RBFOX1: variants seen among roughly 807,000 people sequenced by gnomAD.
The protein encoded by RBFOX1 is RNA binding protein fox-1 homolog 1.
In RBFOX1, 8 loss-of-function variants were observed where a neutral mutation model predicts 57.7. The observed-to-expected ratio is 0.14, with a 90% CI of 0.08 to 0.25. The LOEUF (loss-of-function observed/expected upper bound fraction) is 0.25. RBFOX1 is among the 10% of genes least tolerant of loss of function. RBFOX1 has a pLI of 1.00. For synonymous variants in RBFOX1, 326 were observed against 222.4 expected (o/e 1.47, Z -4.15); for missense variants, 611 against 548.5 (o/e 1.11, Z -1.14).
At chr16:7,067,043 A>C (rs1482417670) in intron 4 of RBFOX1, among the ~76,000 whole-genome samples, 1 of 152,196 alleles carries the variant, frequency 6.6e-6, no homozygotes, top group Non-Finnish European at 1.5e-5. Context: ...ACTGTAAGTA[A>C]ATAATAATAA....
At chr16:6,676,534 A>G (rs1197404590) in intron 3 of RBFOX1, among the ~76,000 whole-genome samples, 1 of 152,146 alleles carries the variant, frequency 6.6e-6, no homozygotes. Flanking sequence ...TTCTATGCAT[A>G]TAATCCACAA....
intron 2 of RBFOX1, among the ~76,000 whole-genome samples, chr16:5,494,845 C>A (rs779892410): frequency 6.2e-4 from 95 of 152,158 alleles, no homozygotes; most frequent in Non-Finnish European, 1.0e-3. Context: ...TTGAAAGGGC[C>A]AGTAGCAAAT....
At chr16:6,912,315 C>T (rs1294467898) in intron 3 of RBFOX1, among the ~76,000 whole-genome samples, 1 of 152,066 alleles carries the variant, frequency 6.6e-6, no homozygotes, top group African/African-American at 2.4e-5. Context: ...CTGAATAGCT[C>T]TGGGGTGGAG....
At chr16:7,362,059 A>G (rs2097334427) in intron 4 of RBFOX1, among the ~76,000 whole-genome samples, 1 of 150,188 alleles carries the variant, frequency 6.7e-6, no homozygotes, top group Admixed American at 6.6e-5. Context: ...TTTTGTGTAT[A>G]TGTTAGTACG....
chr16:6,691,353 C>T (rs1384923364), intron 3 of RBFOX1, among the ~76,000 whole-genome samples: 2 of 152,094 alleles, frequency 1.3e-5, no homozygotes, highest in Non-Finnish European at 2.9e-5. Context: ...GCTTATTTTG[C>T]CATCATTCTT....
chr16:7,204,727 G>C (rs933203345), intron 4 of RBFOX1, among the ~76,000 whole-genome samples: 115 of 152,234 alleles, frequency 7.6e-4, no homozygotes, highest in African/African-American at 2.4e-3. Context: ...TATTTTTAGA[G>C]CGAGGCTTCC....
intron 2 of RBFOX1, among the ~76,000 whole-genome samples, chr16:5,504,426 A>T (rs1352458616): frequency 6.6e-6 from 1 of 152,232 alleles, no homozygotes. Flanking sequence ...ATTGAGAAGC[A>T]GTTTCCTGCA....
chr16:6,265,081 TC>T (rs2074305380), intron 1 of RBFOX1, among the ~76,000 whole-genome samples: 2 of 152,092 alleles, frequency 1.3e-5, no homozygotes, highest in African/African-American at 4.8e-5. Flanking sequence ...ATTTCCTTTT[TC>T]CCTACAAGCC....
intron 5 of RBFOX1, among the ~76,000 whole-genome samples, chr16:7,575,019 T>C (rs910823425): frequency 4.1e-5 from 6 of 148,080 alleles, no homozygotes; most frequent in African/African-American, 9.9e-5. Flanking sequence ...CCAAAAAATA[T>C]GTCCTTGTCT....
At chr16:5,319,523 C>G (rs17137811) in intron 1 of RBFOX1, among the ~76,000 whole-genome samples, 2,915 of 152,280 alleles carry the variant, frequency 0.019, 92 homozygotes, top group East Asian at 0.13. Flanking sequence ...TCCAAGAATC[C>G]TTTACTGAGC....
rs55845231 is a variant in RBFOX1 at position 7,535,255 on chromosome 16, G to A, written c.270+16866G>A. On this transcript the variant is annotated intron_variant, in intron 5 of 15. Coordinates refer to ENST00000550418, the MANE Select transcript of RBFOX1 (RefSeq NM_018723.4). ...ATTGCATTTCCCATCATTTCCCTGG[G>A]CCAGCTCAGGGCTGCTGGGCTTACG... 7.8e-4 allele frequency among the ~76,000 whole-genome samples: 119 copies of A among 152,242 alleles called. 1 individual carries two copies. Among genetic ancestry groups the A allele is most frequent in the African/African-American group, 2.8e-3 (117 of 41,532 alleles).
chr16:6,853,519 C>G (rs934777086), intron 3 of RBFOX1, among the ~76,000 whole-genome samples: 1 of 152,030 alleles, frequency 6.6e-6, no homozygotes, highest in Non-Finnish European at 1.5e-5. Flanking sequence ...CTGCTTGGGA[C>G]TCTGACAGTG....
At chr16:6,244,921 G>C (rs1228999739) in intron 1 of RBFOX1, among the ~76,000 whole-genome samples, 1 of 51,392 alleles carries the variant, frequency 1.9e-5, no homozygotes, top group Non-Finnish European at 6.2e-5. Context: ...TGAATACCCA[G>C]TTTTGTTTTG....
At chr16:7,588,837 A>G (rs1303439027) in intron 7 of RBFOX1, among the ~76,000 whole-genome samples, 1 of 152,148 alleles carries the variant, frequency 6.6e-6, no homozygotes, top group Non-Finnish European at 1.5e-5. Flanking sequence ...CTAATTAACT[A>G]GGATGATGTT....
chr16:6,891,198 C>T (rs201592915), intron 3 of RBFOX1, among the ~76,000 whole-genome samples: 1 of 152,122 alleles, frequency 6.6e-6, no homozygotes, highest in South Asian at 2.1e-4. Context: ...GTAGTGGCTA[C>T]AATAATATTT....
chr16:5,583,350 TG>T (rs1184719742), intron 2 of RBFOX1, among the ~76,000 whole-genome samples: 1 of 152,214 alleles, frequency 6.6e-6, no homozygotes, highest in African/African-American at 2.4e-5. Context: ...AGTATGTATC[TG>T]TAATAATAGC....
chr16:5,308,647 T>C (rs1212655697), intron 1 of RBFOX1, among the ~76,000 whole-genome samples: 1 of 152,218 alleles, frequency 6.6e-6, no homozygotes, highest in African/African-American at 2.4e-5. Flanking sequence ...TATGTAAATA[T>C]TATTCTTTTC....
intron 1 of RBFOX1, among the ~76,000 whole-genome samples, chr16:6,151,962 A>G (rs1469428383): frequency 1.3e-5 from 2 of 152,126 alleles, no homozygotes; most frequent in Non-Finnish European, 2.9e-5. Context: ...AATATAGACA[A>G]CTCAATAGCT....
At chr16:7,144,116 C>G (rs1304729724) in intron 4 of RBFOX1, among the ~76,000 whole-genome samples, 1 of 152,104 alleles carries the variant, frequency 6.6e-6, no homozygotes, top group Non-Finnish European at 1.5e-5. Flanking sequence ...ATTTGCTCCT[C>G]TAGGTAATAG....
Sources: allele counts gnomAD v4.1 joint callset (sites outside exome capture counted in the v4.1 genomes callset), GRCh38; gene constraint gnomAD v4.1.1; transcripts MANE v1.5; gene names NCBI Gene and HGNC (gene_info 2026-07-23, HGNC 2026-07-21).